NKAIN3: variants seen among roughly 807,000 people sequenced by gnomAD.
The protein encoded by NKAIN3 is sodium/potassium-transporting ATPase subunit beta-1-interacting protein 3.
Under a neutral mutation model 30.2 loss-of-function variants are expected in NKAIN3, and 25 were observed. The ratio of observed to expected loss-of-function variants is 0.83; its 90% CI spans 0.60 to 1.16. NKAIN3 has a LOEUF of 1.16. Among genes scored for constraint, NKAIN3 ranks in the 50% most tolerant of loss-of-function variants. NKAIN3 has a pLI of 0.00. For synonymous variants in NKAIN3, 91 were observed against 89.6 expected (o/e 1.02, Z -0.09); for missense variants, 225 against 254.1 (o/e 0.89, Z 0.78).
chr8:62,756,400 A>C (rs1052398577), intron 4 of NKAIN3, among the ~76,000 whole-genome samples: 3 of 152,182 alleles, frequency 2.0e-5, no homozygotes, highest in Non-Finnish European at 4.4e-5. Context: ...ATGTATCAGA[A>C]CTTCCTTTTT....
chr8:62,363,151 A>G lies in NKAIN3; in HGVS notation c.54+114024A>G, dbSNP rs187980356. ...AGAGGGCAATACAGCTCTAAGAGAA[A>G]CAGTTATAATTGAGCTCTGTTCTGC... On this transcript the variant is annotated intron_variant, in intron 1 of 6. Transcript: ENST00000623646. 6.4e-3 allele frequency among the ~76,000 whole-genome samples: 970 copies of G among 152,318 alleles called. 7 individuals carry two copies. Among genetic ancestry groups the G allele is most frequent in the African/African-American group, 0.022 (931 of 41,564 alleles).
intron 4 of NKAIN3, among the ~76,000 whole-genome samples, chr8:62,906,073 G>C (rs1433814942): frequency 6.6e-6 from 1 of 152,150 alleles, no homozygotes; most frequent in South Asian, 2.1e-4. Flanking sequence ...TTTCCTTCCA[G>C]TAACACAACC....
intron 4 of NKAIN3, chr8:62,863,776 A>G: frequency 3.1e-6 from 5 of 1,611,246 alleles, no homozygotes; most frequent in Non-Finnish European, 4.2e-6. Context: ...GCCAGACAGT[A>G]GAGAAGTGCC....
chr8:62,952,830 T>C (rs1399076747), intron 5 of NKAIN3, among the ~76,000 whole-genome samples: 1 of 152,206 alleles, frequency 6.6e-6, no homozygotes, highest in Non-Finnish European at 1.5e-5. Context: ...ATTTTATAAT[T>C]TCCCTTTGAG....
chr8:62,878,545 G>A (rs1820871208), intron 4 of NKAIN3, among the ~76,000 whole-genome samples: 1 of 151,928 alleles, frequency 6.6e-6, no homozygotes, highest in Non-Finnish European at 1.5e-5. Flanking sequence ...TTAAGTTTTA[G>A]GGTACATGTG....
At chr8:62,753,622 T>G (rs1816356303) in intron 4 of NKAIN3, among the ~76,000 whole-genome samples, 1 of 152,132 alleles carries the variant, frequency 6.6e-6, no homozygotes, top group Admixed American at 6.5e-5. Context: ...AAGTTAACTT[T>G]GAAAAAATTA....
At chr8:62,562,718 A>C (rs1476901816) in intron 1 of NKAIN3, among the ~76,000 whole-genome samples, 1 of 152,184 alleles carries the variant, frequency 6.6e-6, no homozygotes, top group Non-Finnish European at 1.5e-5. Context: ...ACTTATCTAT[A>C]GCATAAGTAC....
chr8:62,759,346 G>A (rs1008199757), intron 4 of NKAIN3, among the ~76,000 whole-genome samples: 2 of 152,074 alleles, frequency 1.3e-5, no homozygotes, highest in Non-Finnish European at 2.9e-5. Flanking sequence ...ATTTGTAATG[G>A]TAGAAATCAA....
At chr8:62,867,069 A>T (rs1439032400) in intron 4 of NKAIN3, among the ~76,000 whole-genome samples, 1 of 147,650 alleles carries the variant, frequency 6.8e-6, no homozygotes. Context: ...AAAAAAAAAA[A>T]TTAAACTGTT....
At chr8:62,345,427 A>G (rs1359633153) in intron 1 of NKAIN3, among the ~76,000 whole-genome samples, 1 of 104,150 alleles carries the variant, frequency 9.6e-6, no homozygotes, top group African/African-American at 4.1e-5. Flanking sequence ...ACACATATAT[A>G]CACATATATG....
At chr8:62,834,019 A>G (rs1368582886) in intron 4 of NKAIN3, among the ~76,000 whole-genome samples, 1 of 152,158 alleles carries the variant, frequency 6.6e-6, no homozygotes, top group Non-Finnish European at 1.5e-5. Flanking sequence ...AGGTTGGTTC[A>G]ACATATGCAA....
intron 3 of NKAIN3, among the ~76,000 whole-genome samples, chr8:62,708,443 CTTAG>C (rs1814606781): frequency 2.0e-5 from 3 of 152,042 alleles, no homozygotes; most frequent in Admixed American, 2.0e-4. Context: ...CCATCAACCC[CTTAG>C]TTAGGTATAT....
intron 1 of NKAIN3, among the ~76,000 whole-genome samples, chr8:62,449,068 GA>G (rs1384827089): frequency 3.9e-5 from 6 of 151,990 alleles, no homozygotes; most frequent in African/African-American, 1.4e-4. Flanking sequence ...TGTGATCTCT[GA>G]AAGAAACACT....
At chr8:62,881,030 T>TA (rs1327298322) in intron 4 of NKAIN3, among the ~76,000 whole-genome samples, 6 of 152,110 alleles carry the variant, frequency 3.9e-5, no homozygotes, top group African/African-American at 1.4e-4. Flanking sequence ...AAAACTGTTC[T>TA]AAAAAAATAA....
intron 1 of NKAIN3, among the ~76,000 whole-genome samples, chr8:62,432,469 C>A (rs1191482554): frequency 6.6e-6 from 1 of 152,048 alleles, no homozygotes; most frequent in Non-Finnish European, 1.5e-5. Flanking sequence ...ACTCAGAAAA[C>A]CCTCTGTGAT....
intron 1 of NKAIN3, among the ~76,000 whole-genome samples, chr8:62,366,638 T>C (rs1255289821): frequency 6.6e-6 from 1 of 152,170 alleles, no homozygotes; most frequent in African/African-American, 2.4e-5. Context: ...TCATTTTTAT[T>C]TTCAAAAAAC....
In NKAIN3 at chr8:62,348,197, A is replaced by G. The variant is rs145334571; in HGVS notation, c.54+99070A>G. ...AGCAAAGGACTAATAAATAGAGGAC[A>G]TAAGAAATACTTGGAAAAGAATATA... is the stretch of plus-strand genomic sequence containing the variant. On this transcript the variant is annotated intron_variant, in intron 1 of 6. Transcript: ENST00000623646. Among the ~76,000 whole-genome samples the G allele has an allele frequency of 2.9e-3, 447 of 152,296 alleles. 2 individuals carry two copies. Among genetic ancestry groups the G allele is most frequent in the Non-Finnish European group, 3.0e-3 (205 of 68,032 alleles).
At chr8:62,619,607 C>T (rs2130222924) in intron 3 of NKAIN3, among the ~76,000 whole-genome samples, 1 of 151,696 alleles carries the variant, frequency 6.6e-6, no homozygotes, top group East Asian at 2.0e-4. Context: ...CCCCTGACGA[C>T]TTCAGGCATA....
intron 1 of NKAIN3, among the ~76,000 whole-genome samples, chr8:62,325,642 C>A (rs1815091734): frequency 1.3e-5 from 2 of 152,064 alleles, no homozygotes; most frequent in South Asian, 4.1e-4. Context: ...ATGCCAACAT[C>A]TGTTGTTTTT....
Sources: gnomAD v4.1 joint callset for allele counts (sites outside exome capture counted in the v4.1 genomes callset) on GRCh38, gnomAD v4.1.1 for gene constraint, MANE v1.5 for transcripts, NCBI Gene and HGNC (gene_info 2026-07-23, HGNC 2026-07-21) for gene names.